Variants in LEMD3 observed in about 807,000 individuals in gnomAD.
The protein encoded by LEMD3 is inner nuclear membrane protein Man1.
In LEMD3, 33 loss-of-function variants were observed where a neutral mutation model predicts 95.2. That is an observed-to-expected ratio of 0.35 (90% confidence interval 0.26 to 0.46). LEMD3 has a LOEUF of 0.46. Among genes scored for constraint, LEMD3 ranks in the 20% least tolerant of loss-of-function variants. The pLI is 1.00. For missense variants in LEMD3, 1,210 were observed against 1,192.8 expected (o/e 1.01, Z -0.21); for synonymous variants, 525 against 474.6 (o/e 1.11, Z -1.38).
chr12:65,191,437 T>C (rs1326855150), intron 1 of LEMD3, among the ~76,000 whole-genome samples: 1 of 152,066 alleles, frequency 6.6e-6, no homozygotes, highest in African/African-American at 2.4e-5. Flanking sequence ...ATACCATTTC[T>C]AGAACACTCA....
chr12:65,231,070 G>A (rs1255821644), intron 4 of LEMD3, among the ~76,000 whole-genome samples: 5 of 152,044 alleles, frequency 3.3e-5, no homozygotes, highest in African/African-American at 4.8e-5. Flanking sequence ...TAGAATTTCT[G>A]TGGCATATTT....
intron 4 of LEMD3, among the ~76,000 whole-genome samples, chr12:65,236,559 A>G (rs1870778809): frequency 6.6e-6 from 1 of 152,140 alleles, no homozygotes; most frequent in Non-Finnish European, 1.5e-5. Context: ...TCAAAAAAAA[A>G]AAAAATTCAT....
chr12:65,234,496 GTATA>G (rs1029473071), intron 4 of LEMD3, among the ~76,000 whole-genome samples: 1 of 152,014 alleles, frequency 6.6e-6, no homozygotes, highest in African/African-American at 2.4e-5. Context: ...CTAGAATGCC[GTATA>G]TATATTTGTG....
Position 65,245,716 on chromosome 12 carries a change from A to G in LEMD3, c.2435A>G (p.Glu812Gly), listed in dbSNP as rs768883372. 6.2e-7 allele frequency: 1 copy of G among 1,613,964 alleles called. No homozygotes were observed. Among genetic ancestry groups the G allele is most frequent in the Non-Finnish European group, 8.5e-7 (1 of 1,179,914 alleles). Residue 812 changes from glutamate (E) to glycine (G), a missense_variant, in exon 11 of 13, where the codon GAA becomes GGA. By Grantham distance (98) the Glu-to-Gly change is moderately conservative. This residue lies in a region of LEMD3 where 461 missense variants were observed against 569.8 expected (regional missense o/e 0.81). Transcript: ENST00000308330. The stretch of plus-strand genomic sequence containing the variant: ...TTGGCAATTCAAGAAGCAATTTTAG[A>G]AAAATGCAGTGATAATGATGGCATT... ...WHLAIQEAIL[E>G]KCSDNDGIVH...
intron 4 of LEMD3, among the ~76,000 whole-genome samples, chr12:65,228,464 C>T (rs1331202674): frequency 3.3e-5 from 5 of 150,332 alleles, no homozygotes; most frequent in Non-Finnish European, 5.9e-5. Context: ...GGCGAGATCT[C>T]GGCTCACCGC....
intron 1 of LEMD3, among the ~76,000 whole-genome samples, chr12:65,184,319 GTTGTTTGAAC>G (rs955177287): frequency 3.9e-5 from 6 of 152,120 alleles, no homozygotes; most frequent in Non-Finnish European, 8.8e-5. Flanking sequence ...GTGTAAAACA[GTTGTTTGAAC>G]TTGGAGCATG....
At chr12:65,205,772 G>T (rs1248313251) in intron 1 of LEMD3, among the ~76,000 whole-genome samples, 1 of 152,088 alleles carries the variant, frequency 6.6e-6, no homozygotes, top group Non-Finnish European at 1.5e-5. Flanking sequence ...ACAATTGAAA[G>T]GTTATTAATG....
chr12:65,178,822 TA>T (rs1478791391), intron 1 of LEMD3, among the ~76,000 whole-genome samples: 7 of 152,190 alleles, frequency 4.6e-5, no homozygotes, highest in African/African-American at 9.7e-5. Flanking sequence ...TTAATATGTA[TA>T]AATAAGGACT....
chr12:65,239,637 T>C (rs1870872311), intron 6 of LEMD3, among the ~76,000 whole-genome samples: 1 of 152,206 alleles, frequency 6.6e-6, no homozygotes, highest in African/African-American at 2.4e-5. Flanking sequence ...CTAGTCGTTT[T>C]ATGCTTCAAA....
At chr12:65,202,929 C>A (rs1869649855) in intron 1 of LEMD3, among the ~76,000 whole-genome samples, 1 of 151,878 alleles carries the variant, frequency 6.6e-6, no homozygotes, top group African/African-American at 2.4e-5. Context: ...AATTTGTTTC[C>A]TCTCTTTCTT....
intron 1 of LEMD3, among the ~76,000 whole-genome samples, chr12:65,178,829 G>A (rs1161169372): frequency 6.6e-6 from 1 of 152,088 alleles, no homozygotes; most frequent in Non-Finnish European, 1.5e-5. Flanking sequence ...GTATAAATAA[G>A]GACTTGATAT....
rs1395478931 is a variant in LEMD3, at chr12:65,239,937, A to G, written c.1930A>G (p.Met644Val). ...RLLLLCLGVV[M>V]VCVVLRYMKY... ...GTATATTAATATTACAGGTGTAGTG[A>G]TGGTTTGTGTCGTTCTGCGTTACAT... is the stretch of plus-strand genomic sequence containing the variant. Residue 644 changes from methionine (M) to valine (V), a missense_variant, in exon 7 of 13, where the codon ATG (methionine) becomes GTG (valine). Transcript: ENST00000308330. 6.2e-7 allele frequency: 1 copy of G among 1,604,576 alleles called. No individual in the cohort carries two copies. Among genetic ancestry groups the G allele is most frequent in the South Asian group, 1.1e-5 (1 of 90,898 alleles).
At chr12:65,239,667 A>G (rs989130399) in intron 6 of LEMD3, among the ~76,000 whole-genome samples, 2 of 152,212 alleles carry the variant, frequency 1.3e-5, no homozygotes, top group Non-Finnish European at 2.9e-5. Context: ...TTTGTGAAAC[A>G]TAGTTATATA....
intron 1 of LEMD3, among the ~76,000 whole-genome samples, chr12:65,178,002 A>G (rs888376750): frequency 6.6e-6 from 1 of 151,846 alleles, no homozygotes; most frequent in Non-Finnish European, 1.5e-5. Context: ...GCATCACCAC[A>G]TCTGGCAAAT....
chr12:65,206,558 G>A (rs2136333375), intron 1 of LEMD3, among the ~76,000 whole-genome samples: 1 of 152,248 alleles, frequency 6.6e-6, no homozygotes. Context: ...TACTAAATCA[G>A]AAATTATAAT....
At chr12:65,237,794 G>T (rs1870814553) in intron 4 of LEMD3, among the ~76,000 whole-genome samples, 1 of 152,158 alleles carries the variant, frequency 6.6e-6, no homozygotes, top group African/African-American at 2.4e-5. Context: ...CTTATAATTG[G>T]TAACCCGGTC....
chr12:65,245,651 G>C lies in LEMD3; in HGVS notation c.2388-18G>C. ...AGTAGGAATATGGTTGTTGATTTTTGTTTTCATTAACTTTTAGGGAAATAG... is the reference window on the plus strand; with the variant it reads ...AGTAGGAATATGGTTGTTGATTTTTCTTTTCATTAACTTTTAGGGAAATAG... On this transcript the variant is annotated intron_variant, in intron 10 of 12. Coordinates refer to ENST00000308330, the MANE Select transcript of LEMD3 (RefSeq NM_014319.5). 1 of 1,576,526 alleles carries C rather than the reference G, an allele frequency of 6.3e-7. No homozygotes were observed. The highest frequency in any genetic ancestry group is 2.2e-5 in the East Asian group (1 of 44,610).
Position 65,239,979 on chromosome 12 carries a change from AAAG to A in LEMD3, c.1977_1979del (p.Glu662del), listed in dbSNP as rs1300555496. On this transcript the variant is annotated inframe_deletion, in exon 7 of 13. Transcript: ENST00000308330. ...GCGTTACATGAAATATCGATGGACA[AAAG>A]AAGAGGAGGAAACAAGGCAGATGTA... 11 of 1,612,624 alleles carry A rather than the reference AAAG, an allele frequency of 6.8e-6. No homozygotes were observed. The highest frequency in any genetic ancestry group is 2.2e-5 in the South Asian group (2 of 91,062).
At chr12:65,206,005 T>C (rs1691983691) in intron 1 of LEMD3, among the ~76,000 whole-genome samples, 1 of 152,160 alleles carries the variant, frequency 6.6e-6, no homozygotes, top group Admixed American at 6.6e-5. Flanking sequence ...ATGGGCATAA[T>C]GCTATGTTGC....
Sources: allele counts gnomAD v4.1 joint callset (sites outside exome capture counted in the v4.1 genomes callset), GRCh38; gene constraint gnomAD v4.1.1; regional missense constraint gnomAD v4.1.1; transcripts MANE v1.5; gene names NCBI Gene and HGNC (gene_info 2026-07-23, HGNC 2026-07-21).